The following IFT140 variants were observed in gnomAD, a reference collection of about 807,000 sequenced individuals.
The protein encoded by IFT140 is intraflagellar transport 140, also known as intraflagellar transport protein 140 homolog.
In IFT140, 133 loss-of-function variants were observed where a neutral mutation model predicts 164.6. The observed-to-expected ratio is 0.81, with a 90% CI of 0.70 to 0.93. IFT140 has a LOEUF of 0.93. IFT140 is among the 40% of genes least tolerant of loss of function. IFT140 has a pLI of 0.00. For missense variants in IFT140, 2,045 were observed against 1,972.3 expected (o/e 1.04, Z -0.70); for synonymous variants, 860 against 817.3 (o/e 1.05, Z -0.89).
intron 17 of IFT140, 65 bp from the exon 18 acceptor site, chr16:1,562,181 A>G: frequency 7.0e-7 from 1 of 1,428,522 alleles, no homozygotes; most frequent in Non-Finnish European, 9.3e-7. Context: ...CTGGGGTATG[A>G]GTGCCATTTT....
intron 17 of IFT140, 37 bp downstream of exon 17, chr16:1,563,960 A>G: frequency 6.6e-7 from 1 of 1,512,114 alleles, no homozygotes; most frequent in South Asian, 1.3e-5. Context: ...ATGGCCACTG[A>G]GTGTGTCTAA....
chr16:1,578,522 T>C (rs1168311874), intron 13 of IFT140, among the ~76,000 whole-genome samples: 4 of 149,474 alleles, frequency 2.7e-5, no homozygotes, highest in Non-Finnish European at 5.9e-5. Flanking sequence ...GGCAGGACAA[T>C]CACTGGAGCC....
At chr16:1,558,355 C>T (rs900691527) in intron 18 of IFT140, among the ~76,000 whole-genome samples, 2 of 152,230 alleles carry the variant, frequency 1.3e-5, no homozygotes, top group Non-Finnish European at 2.9e-5. Context: ...AATGGGTAAG[C>T]AAAGGCTGCC....
At position 1,520,813 on chromosome 16, in the gene IFT140, A is replaced by C. The variant is rs1442152958; in HGVS notation, c.3454-5T>G. 1 of 1,600,154 alleles carries C rather than the reference A, an allele frequency of 6.2e-7. No homozygotes were observed. Among genetic ancestry groups the C allele is most frequent in the Non-Finnish European group, 8.5e-7 (1 of 1,179,174 alleles). ...CAGCTGCAGGGCTTCCTGATACTGC[A>C]AAGGTGCAGAAATGGGACGGGGCTG... On this transcript the variant is annotated splice_polypyrimidine_tract_variant and splice_region_variant and intron_variant, in intron 26 of 30. Coordinates refer to ENST00000426508, the MANE Select transcript of IFT140 (RefSeq NM_014714.4).
Position 1,587,989 on chromosome 16 carries a change from G to A in IFT140, c.846C>T (p.Asp282=), listed in dbSNP as rs1368894105. 6.2e-7 allele frequency: 1 copy of A among 1,613,936 alleles called. No homozygotes were observed. Among genetic ancestry groups the A allele is most frequent in the South Asian group, 1.1e-5 (1 of 91,022 alleles). Residue 282 remains aspartate, a synonymous_variant, in exon 8 of 31, where the codon GAC becomes GAT. Coordinates refer to ENST00000426508, the MANE Select transcript of IFT140 (RefSeq NM_014714.4). The part of the protein sequence containing the change: ...KLSGKTGRRA[D]IALIEGSLLV... Reference sequence around the variant, plus strand: ...GAAGGCTGCCTTCAATCAAAGCGATGTCTGCCCGGCGGCCGGTTTTCCCGC... The same window carrying A: ...GAAGGCTGCCTTCAATCAAAGCGATATCTGCCCGGCGGCCGGTTTTCCCGC...
At position 1,551,854 on chromosome 16, in the gene IFT140, G is replaced by A. The variant is rs1434804376; in HGVS notation, c.2399+6081C>T. On this transcript the variant is annotated intron_variant, in intron 19 of 30. Coordinates refer to ENST00000426508, the MANE Select transcript of IFT140 (RefSeq NM_014714.4). This position sits in a 1 kb window ranked among gnomAD's most constrained non-coding sequence, Gnocchi z 4.0. ...TGTGTTGCCTTAGAGTTTTCTTCCC[G>A]AGGTTTTCCTAGAAAGCCACTGTAA... 2.0e-5 allele frequency among the ~76,000 whole-genome samples: 3 copies of A among 152,098 alleles called. No homozygotes were observed. The highest frequency in any genetic ancestry group is 4.8e-5 in the African/African-American group (2 of 41,418).
In IFT140 at chr16:1,584,234, C is replaced by T. The variant is rs751987800; in HGVS notation, c.1342G>A (p.Gly448Arg). Residue 448 changes from glycine (G) to arginine (R), a missense_variant, in exon 11 of 31, where the codon GGA (glycine) becomes AGA (arginine). Physicochemically the swap from Gly to Arg is moderately radical, Grantham distance 125. Transcript: ENST00000426508. ...HSLRTDMHIS[G>R]VFATKDAVAV... The stretch of plus-strand genomic sequence containing the variant: ...GCAGTCACCTTGGTGGCAAACACTC[C>T]ACTGATGTGCATGTCGGTGCGCAGG... 1.9e-6 allele frequency: 3 copies of T among 1,613,684 alleles called. No homozygotes were observed. The highest frequency in any genetic ancestry group is 2.2e-5 in the South Asian group (2 of 91,048).
intron 29 of IFT140, among the ~76,000 whole-genome samples, chr16:1,519,497 G>A (rs2040456389): frequency 6.6e-6 from 1 of 152,106 alleles, no homozygotes; most frequent in Non-Finnish European, 1.5e-5. Context: ...GGAGAGGCAT[G>A]AGCCCTCTGG....
chr16:1,608,096 C>T (rs527833162), intron 2 of IFT140, among the ~76,000 whole-genome samples: 1 of 134,046 alleles, frequency 7.5e-6, no homozygotes, highest in East Asian at 2.4e-4. Flanking sequence ...AAGTCTTCCT[C>T]TATTAGAGAG....
chr16:1,520,361 G>C lies in IFT140; in HGVS notation c.3661-18C>G. On this transcript the variant is annotated intron_variant, in intron 27 of 30. Coordinates refer to ENST00000426508, the MANE Select transcript of IFT140 (RefSeq NM_014714.4). ...CTCATGGCCTAGGCAGAGAGACAGC[G>C]GGGCTCAGGCAAGCAGGGGCTGGGC... 1 of 1,612,768 alleles carries C rather than the reference G, an allele frequency of 6.2e-7. No homozygotes were observed.
chr16:1,587,418 T>A, intron 8 of IFT140, 114 bp from the exon 9 acceptor site: 1 of 686,072 alleles, frequency 1.5e-6, no homozygotes, highest in Non-Finnish European at 2.6e-6. Flanking sequence ...ACATAGTTCA[T>A]CAGACTCCTG....
intron 19 of IFT140, chr16:1,541,812 C>A: frequency 7.4e-7 from 1 of 1,348,656 alleles, no homozygotes; most frequent in Non-Finnish European, 9.9e-7. Context: ...ACAGCCTGTG[C>A]CGACCGCCCT....
chr16:1,567,274 G>C (rs914723144), intron 15 of IFT140, among the ~76,000 whole-genome samples: 15 of 152,146 alleles, frequency 9.9e-5, no homozygotes, highest in African/African-American at 3.6e-4. Context: ...CTAGAAAGAT[G>C]ATATTGACAT....
At chr16:1,586,346 T>C (rs2034878170) in intron 9 of IFT140, 71 bp from the exon 10 acceptor site, 1 of 1,456,214 alleles carries the variant, frequency 6.9e-7, no homozygotes, top group Non-Finnish European at 9.3e-7. Flanking sequence ...AGCTCTGTTC[T>C]CTAACCCCCT....
intron 30 of IFT140, among the ~76,000 whole-genome samples, chr16:1,513,914 C>T (rs1275088112): frequency 8.8e-5 from 13 of 147,072 alleles, no homozygotes; most frequent in African/African-American, 2.5e-4. Flanking sequence ...ACCTCATGAT[C>T]TGCCCGCCTT....
intron 4 of IFT140, among the ~76,000 whole-genome samples, chr16:1,597,539 A>G (rs1033807124): frequency 1.3e-5 from 2 of 152,226 alleles, no homozygotes; most frequent in Non-Finnish European, 2.9e-5. Context: ...CTCTGGTGGA[A>G]GAGCAGGGAA....
In IFT140 at chr16:1,607,220, C is replaced by T; in HGVS notation, c.47G>A (p.Gly16Glu). The change falls in exon 3 of 31, where the codon GGG becomes GAG. Residue 16 changes from glycine to glutamate, a missense_variant. Coordinates refer to ENST00000426508, the MANE Select transcript of IFT140 (RefSeq NM_014714.4). ...GTGCCAGCTGATAAATGAGGGTGAC[C>T]CTGCTGCATCCGGGGCTTCTATCTG... The part of the protein sequence containing the change: ...DHQIEAPDAA[G>E]SPSFISWHPV... 1 of 1,614,130 alleles carries T rather than the reference C, an allele frequency of 6.2e-7. No homozygotes were observed. The highest frequency in any genetic ancestry group is 1.1e-5 in the South Asian group (1 of 91,082).
intron 22 of IFT140, 126 bp downstream of exon 22, chr16:1,525,105 G>T: frequency 8.7e-7 from 1 of 1,155,624 alleles, no homozygotes; most frequent in Non-Finnish European, 1.2e-6. Flanking sequence ...TGGCTCTGAG[G>T]AGCCGGGAGG....
chr16:1,586,304 C>CA, intron 9 of IFT140, 29 bp from the exon 10 acceptor site: 1 of 1,591,348 alleles, frequency 6.3e-7, no homozygotes, highest in Non-Finnish European at 8.5e-7. Flanking sequence ...TGCATGTGAA[C>CA]AGAGTTAAAA....
Sources: gnomAD v4.1 joint callset for allele counts (sites outside exome capture counted in the v4.1 genomes callset) on GRCh38, gnomAD v4.1.1 for gene constraint, Gnocchi (gnomAD v3.1) non-coding constraint, MANE v1.5 for transcripts, NCBI Gene and HGNC (gene_info 2026-07-23, HGNC 2026-07-21) for gene names.